The following NRG1 variants were observed in gnomAD, a reference collection of about 807,000 sequenced individuals.
NRG1 encodes the protein pro-neuregulin-1, membrane-bound isoform.
NRG1 carries 18 observed loss-of-function variants against 63.8 expected under a neutral mutation model. That is an observed-to-expected ratio of 0.28 (90% confidence interval 0.19 to 0.42). NRG1 has a LOEUF of 0.42. Among genes scored for constraint, NRG1 ranks in the 10% least tolerant of loss-of-function variants. The pLI is 1.00. For synonymous variants in NRG1, 302 were observed against 301.3 expected, an observed-to-expected ratio of 1.00 and a Z score of -0.02; for missense variants, 762 against 814.7, an observed-to-expected ratio of 0.94 and a Z score of 0.79.
chr8:32,352,914 TAGAGAG>T (rs796414298), intron 1 of NRG1, among the ~76,000 whole-genome samples: 33 of 89,498 alleles, frequency 3.7e-4, no homozygotes, highest in African/African-American at 1.0e-3. Flanking sequence ...TATATATATA[TAGAGAG>T]AGAGAGAGAC....
intron 1 of NRG1, among the ~76,000 whole-genome samples, chr8:32,075,292 G>A (rs1275036110): frequency 2.3e-5 from 1 of 43,258 alleles, no homozygotes; most frequent in Non-Finnish European, 4.8e-5. Flanking sequence ...AAGTTATTAA[G>A]AATCATACCA....
chr8:32,086,143 G>T (rs926975649), intron 1 of NRG1, among the ~76,000 whole-genome samples: 1 of 152,086 alleles, frequency 6.6e-6, no homozygotes, highest in African/African-American at 2.4e-5. Context: ...TCTTGTAAAT[G>T]GACATTTTGT....
At chr8:32,082,269 A>G (rs1452899125) in intron 1 of NRG1, among the ~76,000 whole-genome samples, 2 of 151,684 alleles carry the variant, frequency 1.3e-5, no homozygotes, top group African/African-American at 2.4e-5. Flanking sequence ...AGGTAAACTA[A>G]TGTCATAGGG....
chr8:32,666,136 G>T (rs768068392), intron 5 of NRG1, among the ~76,000 whole-genome samples: 4 of 152,102 alleles, frequency 2.6e-5, no homozygotes, highest in Non-Finnish European at 5.9e-5. Context: ...TAAAAGAGAA[G>T]GCTACATTTT....
intron 1 of NRG1, among the ~76,000 whole-genome samples, chr8:31,901,916 A>G (rs1832116594): frequency 6.6e-6 from 1 of 152,214 alleles, no homozygotes; most frequent in South Asian, 2.1e-4. Flanking sequence ...AAAGGTCATT[A>G]TCTGTTCTGT....
intron 7 of NRG1, 105 bp from the exon 8 acceptor site, chr8:32,754,266 TC>T: frequency 1.1e-6 from 1 of 882,636 alleles, no homozygotes; most frequent in African/African-American, 1.6e-5. Context: ...GTATTTATTT[TC>T]TTGTGAACAT....
At chr8:32,495,681 TCGAA>T (rs1224076636) in intron 1 of NRG1, among the ~76,000 whole-genome samples, 2 of 152,158 alleles carry the variant, frequency 1.3e-5, no homozygotes, top group Non-Finnish European at 2.9e-5. Flanking sequence ...CAGGCTGGTC[TCGAA>T]CCCTGACTTC....
chr8:32,588,086 T>C (rs1841936703), intron 1 of NRG1, among the ~76,000 whole-genome samples: 1 of 151,880 alleles, frequency 6.6e-6, no homozygotes, highest in South Asian at 2.1e-4. Context: ...AATGCTTGGC[T>C]AATTTTTGTA....
At chr8:31,818,821 G>A (rs1019204313) in intron 1 of NRG1, among the ~76,000 whole-genome samples, 6 of 152,124 alleles carry the variant, frequency 3.9e-5, no homozygotes, top group Non-Finnish European at 8.8e-5. Context: ...ACTTTGGGAG[G>A]TCGAGGGGGG....
At chr8:32,383,059 TAAA>T (rs56030067) in intron 1 of NRG1, among the ~76,000 whole-genome samples, 3 of 126,480 alleles carry the variant, frequency 2.4e-5, no homozygotes, top group Non-Finnish European at 1.7e-5. Context: ...TCGTCCCTAC[TAAA>T]AAAAAAAAAA....
intron 1 of NRG1, among the ~76,000 whole-genome samples, chr8:31,657,752 G>A (rs1276593843): frequency 6.6e-6 from 1 of 152,136 alleles, no homozygotes; most frequent in Non-Finnish European, 1.5e-5. Context: ...CATCTTGCAA[G>A]GTATATCATT....
At chr8:31,797,091 G>C (rs1821300745) in intron 1 of NRG1, among the ~76,000 whole-genome samples, 1 of 152,178 alleles carries the variant, frequency 6.6e-6, no homozygotes. Context: ...CCCTATTTCT[G>C]TGATATGCTT....
intron 1 of NRG1, among the ~76,000 whole-genome samples, chr8:32,189,245 C>T (rs183439622): frequency 1.3e-5 from 2 of 152,250 alleles, no homozygotes; most frequent in East Asian, 3.9e-4. Context: ...CGTCTTCCCC[C>T]TCAGTAGTCC....
chr8:32,116,479 TATC>T (rs1585403132), intron 1 of NRG1, among the ~76,000 whole-genome samples: 2 of 152,106 alleles, frequency 1.3e-5, no homozygotes, highest in East Asian at 1.9e-4. Flanking sequence ...GCTGATTAAA[TATC>T]ATGCCGCAAA....
At chr8:32,748,327 A>C (rs1589568641) in intron 7 of NRG1, among the ~76,000 whole-genome samples, 1 of 118,782 alleles carries the variant, frequency 8.4e-6, no homozygotes, top group Non-Finnish European at 1.8e-5. Flanking sequence ...GCGCATGTAC[A>C]CGCGCGCGCG....
rs193214561 is a variant in NRG1 at position 32,337,021 on chromosome 8, A to C, written c.38-258807A>C. ...TTTTTCTTTAATTTTATACTTTAAAAATTTTTGAAACAGGGGCTCACCCTG... is the reference window on the plus strand; with the variant it reads ...TTTTTCTTTAATTTTATACTTTAAACATTTTTGAAACAGGGGCTCACCCTG... On this transcript the variant is annotated intron_variant, in intron 1 of 10. Transcript: ENST00000519301. Among the ~76,000 whole-genome samples, 3 of 152,228 alleles carry C rather than the reference A, an allele frequency of 2.0e-5. No homozygotes were observed. The East Asian group carries it at 5.8e-4, about 29-fold the overall frequency.
chr8:32,247,907 T>A (rs1469527262), intron 1 of NRG1, among the ~76,000 whole-genome samples: 1 of 152,110 alleles, frequency 6.6e-6, no homozygotes, highest in Non-Finnish European at 1.5e-5. Flanking sequence ...GTTATGTTTT[T>A]AAACAGAGGC....
chr8:31,893,320 G>A, intron 1 of NRG1, among the ~76,000 whole-genome samples: 1 of 151,202 alleles, frequency 6.6e-6, no homozygotes, highest in Non-Finnish European at 1.5e-5. Context: ...TTAAGGTTAA[G>A]TGGGAACAAA....
intron 1 of NRG1, among the ~76,000 whole-genome samples, chr8:32,495,755 C>T (rs948051170): frequency 9.9e-5 from 15 of 152,258 alleles, no homozygotes; most frequent in Middle Eastern, 3.4e-3. Context: ...AGCCACTGTG[C>T]CCAGCCTGTT....
Sources: gnomAD v4.1 joint callset for allele counts (sites outside exome capture counted in the v4.1 genomes callset) on GRCh38, gnomAD v4.1.1 for gene constraint, MANE v1.5 for transcripts, NCBI Gene and HGNC (gene_info 2026-07-23, HGNC 2026-07-21) for gene names.